Variants in PRKAG2 observed in about 807,000 individuals in gnomAD.
PRKAG2 encodes protein kinase AMP-activated non-catalytic subunit gamma 2.
A neutral mutation model predicts 69.6 loss-of-function variants in PRKAG2; 26 were observed. The observed-to-expected ratio is 0.37, with a 90% CI of 0.27 to 0.52. PRKAG2 has a LOEUF of 0.52. PRKAG2 is among the 20% of genes least tolerant of loss of function. The pLI is 0.90. For missense variants in PRKAG2, 557 were observed against 740.0 expected (o/e 0.75, Z 2.87); for synonymous variants, 293 against 285.0 (o/e 1.03, Z -0.28).
In PRKAG2 at chr7:151,771,996, G is replaced by T. The variant is rs571455231; in HGVS notation, c.466+9156C>A. Among the ~76,000 whole-genome samples, 5 of 152,342 alleles carry T rather than the reference G, an allele frequency of 3.3e-5. No individual in the cohort carries two copies. The highest frequency in any genetic ancestry group is 1.2e-4 in the African/African-American group (5 of 41,578). On this transcript the variant is annotated intron_variant, in intron 3 of 15. Transcript: ENST00000287878. This position sits in a 1 kb window ranked among gnomAD's most constrained non-coding sequence, Gnocchi z 4.0. ...CTCAGTGCCTTCAGGCGCCATTCTAGACCCTGAGAAAGCTTTGAATAAAAC... is the reference window on the plus strand; with the variant it reads ...CTCAGTGCCTTCAGGCGCCATTCTATACCCTGAGAAAGCTTTGAATAAAAC...
At chr7:151,715,505 T>C (rs57482629) in intron 3 of PRKAG2, among the ~76,000 whole-genome samples, 16,063 of 150,402 alleles carry the variant, frequency 0.11, 2,260 homozygotes, top group African/African-American at 0.33. Context: ...AGGCACACAC[T>C]ACCATGCCCA....
At chr7:151,560,813 C>CT (rs1461576774) in intron 14 of PRKAG2, among the ~76,000 whole-genome samples, 196 bp from the exon 15 acceptor site, 1 of 152,118 alleles carries the variant, frequency 6.6e-6, no homozygotes, top group Non-Finnish European at 1.5e-5. Flanking sequence ...GTCCCAGTTA[C>CT]TTGGTGGGAG....
intron 1 of PRKAG2, among the ~76,000 whole-genome samples, chr7:151,793,162 T>C (rs766934932): frequency 4.6e-5 from 7 of 152,194 alleles, no homozygotes; most frequent in Non-Finnish European, 1.0e-4. Context: ...CAGAATAAGA[T>C]GCATGTTCTC....
intron 5 of PRKAG2, among the ~76,000 whole-genome samples, chr7:151,612,404 T>G (rs1436339805): frequency 6.6e-6 from 1 of 152,158 alleles, no homozygotes; most frequent in Non-Finnish European, 1.5e-5. Flanking sequence ...AAAATCACAC[T>G]GCAGAGACCT....
chr7:151,566,475 C>A, intron 11 of PRKAG2: 1 of 351,024 alleles, frequency 2.8e-6, no homozygotes, highest in Non-Finnish European at 5.7e-6. Flanking sequence ...ATTAACTTTT[C>A]ATGGGCTGTT....
chr7:151,709,465 T>C lies in PRKAG2; in HGVS notation c.467-33828A>G, dbSNP rs781566790. 2.1e-4 allele frequency among the ~76,000 whole-genome samples: 32 copies of C among 152,280 alleles called. 1 individual carries two copies. The highest frequency in any genetic ancestry group is 1.8e-3 in the Admixed American group (28 of 15,292). Reference sequence around the variant, plus strand: ...CACTTGGTGATGTTGAGTGATGACATTGAGTGATGTGACATTCTGTGACAT... The same window carrying C: ...CACTTGGTGATGTTGAGTGATGACACTGAGTGATGTGACATTCTGTGACAT... On this transcript the variant is annotated intron_variant, in intron 3 of 15. Transcript: ENST00000287878.
chr7:151,874,171 GATGTAT>G (rs201045816), intron 1 of PRKAG2, among the ~76,000 whole-genome samples: 14,389 of 109,198 alleles, frequency 0.13, 1,444 homozygotes, highest in South Asian at 0.18. Flanking sequence ...ATATGTATAT[GATGTAT>G]ATGTATATGT....
At chr7:151,560,470 TA>T (rs1804674782) in intron 15 of PRKAG2, 53 bp downstream of exon 15, 2 of 1,613,540 alleles carry the variant, frequency 1.2e-6, no homozygotes, top group Non-Finnish European at 1.7e-6. Flanking sequence ...CTTCCTGTTC[TA>T]CCTCCCACCC....
At chr7:151,680,993 G>A (rs1251248476) in intron 3 of PRKAG2, among the ~76,000 whole-genome samples, 2 of 152,202 alleles carry the variant, frequency 1.3e-5, no homozygotes, top group Admixed American at 6.5e-5. Flanking sequence ...GGTACAGAAC[G>A]TTCATCTTTC....
At position 151,807,162 on chromosome 7, in the gene PRKAG2, A is replaced by G. The variant is rs1418444929; in HGVS notation, c.115-20621T>C. On this transcript the variant is annotated intron_variant, in intron 1 of 15. Transcript: ENST00000287878. The surrounding 1 kb of genome is among the most constrained non-coding windows in gnomAD (Gnocchi z 4.4). ...ATCACACTGTGGCGGTGGTCACATG[A>G]CTGTGCACACTTACGACAACCCATC... is the stretch of plus-strand genomic sequence containing the variant. 5.4e-6 allele frequency: 2 copies of G among 369,736 alleles called. No individual in the cohort carries two copies. The highest frequency in any genetic ancestry group is 1.1e-5 in the Non-Finnish European group (2 of 186,824). 22.9% of individuals were successfully genotyped at this position (369,736 alleles called of 1,614,324 possible).
At chr7:151,841,853 A>C (rs2079300765) in intron 1 of PRKAG2, among the ~76,000 whole-genome samples, 1 of 132,146 alleles carries the variant, frequency 7.6e-6, no homozygotes, top group Non-Finnish European at 1.6e-5. Context: ...AGTGATGGGT[A>C]GTGATGGTAG....
intron 3 of PRKAG2, among the ~76,000 whole-genome samples, chr7:151,726,454 CCTA>C (rs1401509958): frequency 6.6e-6 from 1 of 151,786 alleles, no homozygotes; most frequent in Admixed American, 6.6e-5. Context: ...GCGTGCGTAC[CCTA>C]CTACCAGTAA....
intron 3 of PRKAG2, among the ~76,000 whole-genome samples, chr7:151,761,971 C>G (rs1319645815): frequency 2.6e-5 from 4 of 152,236 alleles, no homozygotes; most frequent in Non-Finnish European, 5.9e-5. Context: ...GCCGACTTCT[C>G]CCATTCACTG....
chr7:151,700,760 AT>A (rs201150389), intron 3 of PRKAG2, among the ~76,000 whole-genome samples: 33,463 of 151,986 alleles, frequency 0.22, 4,571 homozygotes, highest in Non-Finnish European at 0.31. Flanking sequence ...GCTTCCCCTT[AT>A]GTGGCCAGGC....
At chr7:151,695,150 G>C (rs576001419) in intron 3 of PRKAG2, among the ~76,000 whole-genome samples, 4 of 152,342 alleles carry the variant, frequency 2.6e-5, no homozygotes, top group Admixed American at 2.6e-4. Context: ...CAGGGGGGTT[G>C]GGGGTGTGTC....
intron 14 of PRKAG2, among the ~76,000 whole-genome samples, chr7:151,563,632 T>G (rs548498624): frequency 6.6e-6 from 1 of 152,300 alleles, no homozygotes; most frequent in African/African-American, 2.4e-5. Context: ...GAGACTGGAG[T>G]GCAGTGGCAC....
intron 1 of PRKAG2, among the ~76,000 whole-genome samples, chr7:151,812,093 C>G (rs1054438307): frequency 6.6e-6 from 1 of 152,168 alleles, no homozygotes; most frequent in African/African-American, 2.4e-5. Flanking sequence ...CCAAAATATG[C>G]AATACAGACA....
intron 3 of PRKAG2, among the ~76,000 whole-genome samples, chr7:151,694,761 T>C (rs1039578238): frequency 2.0e-5 from 3 of 152,228 alleles, no homozygotes; most frequent in Admixed American, 1.3e-4. Context: ...CTGCCCCTCC[T>C]AGGTCTGCAG....
intron 1 of PRKAG2, among the ~76,000 whole-genome samples, chr7:151,868,733 T>C (rs56118280): frequency 0.052 from 7,868 of 152,242 alleles, 317 homozygotes; most frequent in East Asian, 0.14. Flanking sequence ...TCAGTGTCTG[T>C]GGCTCTACTC....
Sources: gnomAD v4.1 joint callset for allele counts (sites outside exome capture counted in the v4.1 genomes callset) on GRCh38, gnomAD v4.1.1 for gene constraint, Gnocchi (gnomAD v3.1) non-coding constraint, MANE v1.5 for transcripts, NCBI Gene and HGNC (gene_info 2026-07-23, HGNC 2026-07-21) for gene names.